Variants in TENM4 observed in about 807,000 individuals in gnomAD.
TENM4 encodes teneurin-4.
In TENM4, 82 loss-of-function variants were observed where a neutral mutation model predicts 243.3. That is an observed-to-expected ratio of 0.34 (90% CI 0.28 to 0.40). TENM4 has a LOEUF of 0.40. Among genes scored for constraint, TENM4 ranks in the 10% least tolerant of loss-of-function variants. The probability of loss-of-function intolerance (pLI) is 1.00; values close to 1 mark genes in which losing one functional copy is unlikely to be tolerated. For missense variants in TENM4, 3,138 were observed against 3,673.3 expected (o/e 0.85, Z 3.77); for synonymous variants, 1,412 against 1,456.3 (o/e 0.97, Z 0.69).
At chr11:79,141,027 C>T (rs984360414) in intron 4 of TENM4, among the ~76,000 whole-genome samples, 4 of 152,012 alleles carry the variant, frequency 2.6e-5, no homozygotes, top group South Asian at 4.1e-4. Context: ...AGGTGCTAGA[C>T]GGAGCCTATT....
chr11:78,713,863 G>A (rs902129435), intron 25 of TENM4, among the ~76,000 whole-genome samples: 1 of 152,084 alleles, frequency 6.6e-6, no homozygotes, highest in Non-Finnish European at 1.5e-5. Flanking sequence ...AGGGCACATC[G>A]GAGTTGAACT....
At chr11:79,430,466 C>A (rs962337897) in intron 1 of TENM4, among the ~76,000 whole-genome samples, 1 of 152,188 alleles carries the variant, frequency 6.6e-6, no homozygotes, top group Admixed American at 6.5e-5. Context: ...GTTGAGTAAC[C>A]ACCTGATGCC....
chr11:79,131,817 T>C (rs1336270195), intron 4 of TENM4, among the ~76,000 whole-genome samples: 1 of 151,984 alleles, frequency 6.6e-6, no homozygotes, highest in Non-Finnish European at 1.5e-5. Flanking sequence ...AGGACTCACA[T>C]AAATTTAAAG....
chr11:78,911,086 C>G (rs1303896636), intron 6 of TENM4, among the ~76,000 whole-genome samples: 1 of 152,190 alleles, frequency 6.6e-6, no homozygotes, highest in Non-Finnish European at 1.5e-5. Flanking sequence ...ATTTTACAAA[C>G]AGTGATGAAG....
chr11:78,864,238 C>T (rs765908888), intron 9 of TENM4, among the ~76,000 whole-genome samples: 5 of 151,700 alleles, frequency 3.3e-5, no homozygotes, highest in Non-Finnish European at 1.5e-5. Context: ...TCATTTTGTG[C>T]CATGTGCATA....
At chr11:78,687,950 G>T (rs1428915599) in intron 29 of TENM4, 104 bp downstream of exon 29, 3 of 1,377,026 alleles carry the variant, frequency 2.2e-6, no homozygotes, top group Non-Finnish European at 3.0e-6. Flanking sequence ...ATGCTTTCCT[G>T]TTCTTGGGCA....
rs746002346 is a variant in TENM4 at position 78,729,463 on chromosome 11, C to T, written c.3319G>A (p.Ala1107Thr). 104 of 1,610,798 alleles carry T rather than the reference C, an allele frequency of 6.5e-5. No homozygotes were observed. In the South Asian group the frequency reaches 7.3e-4, roughly 11 times the overall value. Residue 1107 changes from alanine to threonine, a missense_variant, in exon 22 of 34, where the codon GCT (alanine) becomes ACT (threonine). Physicochemically the swap from Ala to Thr is moderately conservative, Grantham distance 58 (BLOSUM62 0). Coordinates refer to ENST00000278550, the MANE Select transcript of TENM4 (RefSeq NM_001098816.3). ...VEGRLFRKWF[A>T]AAPDLSYYFI... ...TAATAGGACAGGTCTGGGGCTGCAG[C>T]GAACCACTTCCTGAAGAGGCGGCCC...
At chr11:78,877,145 A>G (rs1216074473) in intron 9 of TENM4, among the ~76,000 whole-genome samples, 1 of 152,212 alleles carries the variant, frequency 6.6e-6, no homozygotes, top group Non-Finnish European at 1.5e-5. Flanking sequence ...TGCTGTCTTT[A>G]GAAGGATGAA....
chr11:78,965,080 C>T (rs555652758), intron 6 of TENM4, among the ~76,000 whole-genome samples: 2 of 152,164 alleles, frequency 1.3e-5, no homozygotes, highest in African/African-American at 4.8e-5. Flanking sequence ...TTTGGCCAGG[C>T]TGGTCTCGAA....
intron 6 of TENM4, among the ~76,000 whole-genome samples, chr11:79,063,626 T>A (rs1401202561): frequency 6.6e-6 from 1 of 152,048 alleles, no homozygotes. Context: ...TGGTAGGGCA[T>A]GAAATATATA....
chr11:79,218,239 C>CG (rs1555029542), intron 2 of TENM4, among the ~76,000 whole-genome samples: 1 of 142,702 alleles, frequency 7.0e-6, no homozygotes, highest in Non-Finnish European at 1.5e-5. Flanking sequence ...TGCCCACCCA[C>CG]CCCCGACACA....
chr11:79,322,900 A>G (rs1386939721), intron 1 of TENM4, among the ~76,000 whole-genome samples: 1 of 152,252 alleles, frequency 6.6e-6, no homozygotes, highest in Non-Finnish European at 1.5e-5. Flanking sequence ...TGTAAACCAG[A>G]GGGTTTTAAC....
intron 3 of TENM4, among the ~76,000 whole-genome samples, chr11:79,164,602 T>C (rs1361676584): frequency 7.6e-6 from 1 of 130,886 alleles, no homozygotes; most frequent in Non-Finnish European, 1.5e-5. Flanking sequence ...ATCTATATAG[T>C]ACGGTTTGGC....
intron 1 of TENM4, among the ~76,000 whole-genome samples, chr11:79,302,244 A>G (rs540415155): frequency 6.6e-6 from 1 of 152,378 alleles, no homozygotes; most frequent in South Asian, 2.1e-4. Context: ...GTGACAAACC[A>G]GTCCTGTCTT....
chr11:78,815,112 C>A lies in TENM4; in HGVS notation c.1682-717G>T, dbSNP rs575743136. Among the ~76,000 whole-genome samples, 13 of 152,342 alleles carry A rather than the reference C, an allele frequency of 8.5e-5. No homozygotes were observed. In the South Asian group the frequency reaches 2.3e-3, roughly 27 times the overall value. ...AAAGACGTTCTCTTTTCTGGCTGGGCGTGGTGGCTCAGGCCTTAATCCCAG... is the reference window on the plus strand; with the variant it reads ...AAAGACGTTCTCTTTTCTGGCTGGGAGTGGTGGCTCAGGCCTTAATCCCAG... On this transcript the variant is annotated intron_variant, in intron 12 of 33. Transcript: ENST00000278550.
intron 6 of TENM4, among the ~76,000 whole-genome samples, chr11:78,959,753 C>G (rs1217039023): frequency 6.6e-6 from 1 of 152,116 alleles, no homozygotes; most frequent in African/African-American, 2.4e-5. Context: ...CTAAAGTCCC[C>G]CATCTCCTTC....
chr11:79,410,117 T>C lies in TENM4; in HGVS notation c.-321+30392A>G, dbSNP rs967660354. ...TGTGTTGGGCCGCATTCAAAACCAT[T>C]CTGGGCTTCATGGAGCCTGCAGGCT... On this transcript the variant is annotated intron_variant, in intron 1 of 33. Transcript: ENST00000278550. Among the ~76,000 whole-genome samples the C allele has an allele frequency of 7.9e-5, 12 of 152,320 alleles. 1 individual carries two copies. Among genetic ancestry groups the C allele is most frequent in the Admixed American group, 3.9e-4 (6 of 15,296 alleles).
At chr11:78,883,306 G>A (rs1855475623) in intron 9 of TENM4, among the ~76,000 whole-genome samples, 1 of 152,104 alleles carries the variant, frequency 6.6e-6, no homozygotes, top group African/African-American at 2.4e-5. Context: ...CCTTATGAAA[G>A]TAATACTATT....
intron 4 of TENM4, among the ~76,000 whole-genome samples, chr11:79,109,933 A>G (rs1861466468): frequency 6.6e-6 from 1 of 152,210 alleles, no homozygotes. Flanking sequence ...CACCTGGCAC[A>G]CTGTGAATGC....
Sources: gnomAD v4.1 joint callset for allele counts (sites outside exome capture counted in the v4.1 genomes callset) on GRCh38, gnomAD v4.1.1 for gene constraint, MANE v1.5 for transcripts, NCBI Gene and HGNC (gene_info 2026-07-23, HGNC 2026-07-21) for gene names.